Variants in C2CD3 observed in about 807,000 individuals in gnomAD.
C2CD3 encodes C2 domain containing 3 centriole elongation regulator.
Under a neutral mutation model 234.0 loss-of-function variants are expected in C2CD3, and 148 were observed. That is an observed-to-expected ratio of 0.63 (90% CI 0.55 to 0.72). The LOEUF (loss-of-function observed/expected upper bound fraction) is 0.72, where lower values mean the gene tolerates loss of function less well. Ranked by LOEUF, C2CD3 falls within the 30% of genes least tolerant of loss-of-function variation. C2CD3 has a pLI of 0.00. For synonymous variants in C2CD3, 1,000 were observed against 1,035.4 expected (o/e 0.97, Z 0.66); for missense variants, 2,577 against 2,811.5 (o/e 0.92, Z 1.89).
chr11:74,020,206 G>A (rs888859425), intron 32 of C2CD3, among the ~76,000 whole-genome samples: 2 of 152,238 alleles, frequency 1.3e-5, no homozygotes, highest in Non-Finnish European at 2.9e-5. Flanking sequence ...CATGTGGACA[G>A]GGCAGGGAGG....
intron 2 of C2CD3, among the ~76,000 whole-genome samples, chr11:74,165,454 C>CTAATATGTTGT (rs1294126208): frequency 2.0e-5 from 3 of 152,062 alleles, no homozygotes; most frequent in Admixed American, 6.5e-5. Flanking sequence ...ATGGTTCATG[C>CTAATATGTTGT]TAATATGTGA....
chr11:74,076,071 C>T (rs1955025836), intron 23 of C2CD3, among the ~76,000 whole-genome samples: 1 of 152,176 alleles, frequency 6.6e-6, no homozygotes, highest in South Asian at 2.1e-4. Flanking sequence ...CTTTCTTCAG[C>T]AGAATGAAGC....
intron 13 of C2CD3, among the ~76,000 whole-genome samples, chr11:74,105,717 A>C (rs1956491682): frequency 6.6e-6 from 1 of 152,184 alleles, no homozygotes; most frequent in Admixed American, 6.5e-5. Flanking sequence ...AGGCACACTT[A>C]GTTACTGCTC....
At chr11:74,027,717 C>CA (rs1952361442) in intron 32 of C2CD3, among the ~76,000 whole-genome samples, 1 of 152,186 alleles carries the variant, frequency 6.6e-6, no homozygotes, top group Non-Finnish European at 1.5e-5. Flanking sequence ...GGTAGGTACT[C>CA]AAAAGCAGTT....
Position 74,119,199 on chromosome 11 carries a change from C to T in C2CD3, c.1366-817G>A, listed in dbSNP as rs181448432. On this transcript the variant is annotated intron_variant, in intron 8 of 32. Transcript: ENST00000334126. ...TGCTGGAATTACAGGCATGAGCCAC[C>T]GTACCCAGCCAAGACTACTTTTTGT... 7.7e-4 allele frequency among the ~76,000 whole-genome samples: 117 copies of T among 152,168 alleles called. 1 individual carries two copies. In the East Asian group the frequency reaches 0.019, roughly 25 times the overall value.
intron 3 of C2CD3, among the ~76,000 whole-genome samples, chr11:74,159,276 ACTTTTT>A (rs1182015267): frequency 6.6e-6 from 1 of 152,236 alleles, no homozygotes; most frequent in Non-Finnish European, 1.5e-5. Context: ...ACTATATTAT[ACTTTTT>A]CTTTTTGTTT....
At chr11:74,169,922 T>C (rs1857051477) in intron 1 of C2CD3, among the ~76,000 whole-genome samples, 1 of 152,186 alleles carries the variant, frequency 6.6e-6, no homozygotes, top group African/African-American at 2.4e-5. Context: ...AATACTTCTT[T>C]TCTCGCTAAA....
In C2CD3 at chr11:74,031,919, G is replaced by A. The variant is rs189926148; in HGVS notation, c.6809+1432C>T. On this transcript the variant is annotated intron_variant, in intron 31 of 32. Transcript: ENST00000334126. ...AAAGCTCAGCCTCCAGCCATTGCAT[G>A]CTTTAATCCTTTCCTGAGCCCACTC... Among the ~76,000 whole-genome samples the A allele has an allele frequency of 2.4e-4, 36 of 152,326 alleles. No homozygotes were observed. In the East Asian group the frequency reaches 3.1e-3, roughly 13 times the overall value.
In C2CD3 at chr11:74,013,479, C is replaced by T. The variant is rs958229850; in HGVS notation, c.6968G>A (p.Arg2323His). 2.5e-5 allele frequency: 35 copies of T among 1,412,892 alleles called. No homozygotes were observed. Among genetic ancestry groups the T allele is most frequent in the African/African-American group, 1.9e-4 (13 of 67,582 alleles). The allele number at this position is 1,412,892 out of a possible 1,614,324, so 87.5% of individuals were successfully genotyped here. A position where few individuals can be genotyped will look rare whatever the true frequency, so the allele number is the denominator to read the frequency against. Reference protein sequence around the residue: ...TRGALSQRPCRPRPNSLPLNL... With the variant: ...TRGALSQRPCHPRPNSLPLNL... ...GAGGGGGAGCGAGTTAGGTCTGGGG[C>T]GACAAGGCCTTTGGGAGAGAGCTCC... The change falls in exon 33 of 33, where the codon CGC becomes CAC. Residue 2323 changes from arginine to histidine, a missense_variant. Transcript: ENST00000334126.
chr11:74,043,306 A>G (rs543631841), intron 28 of C2CD3, among the ~76,000 whole-genome samples: 1 of 152,254 alleles, frequency 6.6e-6, no homozygotes, highest in Admixed American at 6.5e-5. Context: ...TCTGTAGTAC[A>G]GCATGTATCA....
chr11:74,028,298 T>C lies in C2CD3; in HGVS notation c.6910A>G (p.Thr2304Ala). 1 of 1,535,636 alleles carries C rather than the reference T, an allele frequency of 6.5e-7. No homozygotes were observed. Among genetic ancestry groups the C allele is most frequent in the Non-Finnish European group, 8.7e-7 (1 of 1,146,416 alleles). The change falls in exon 32 of 33, where the codon ACA becomes GCA. Residue 2304 changes from threonine to alanine, a missense_variant. Coordinates refer to ENST00000334126, the MANE Select transcript of C2CD3 (RefSeq NM_001286577.2). ...GGCCATTCTCTTACCTGATCTGTTG[T>C]GGCTGCTGGTGGCAAAGTTGCTGAG... is the stretch of plus-strand genomic sequence containing the variant. Reference protein sequence around the residue: ...SLSATLPPAATTDQDKSEATR... With the variant: ...SLSATLPPAAATDQDKSEATR...
chr11:74,029,528 AC>A (rs1176075789), intron 31 of C2CD3, among the ~76,000 whole-genome samples: 1 of 152,216 alleles, frequency 6.6e-6, no homozygotes, highest in Non-Finnish European at 1.5e-5. Flanking sequence ...GAAGGGAAAG[AC>A]CCTTTGACTC....
intron 7 of C2CD3, chr11:74,128,897 G>C (rs1957517090): frequency 3.6e-6 from 1 of 279,634 alleles, no homozygotes; most frequent in African/African-American, 2.3e-5. Flanking sequence ...CAAGGCAGAA[G>C]AATTTTTCGT....
At chr11:74,144,912 A>T (rs1855071136) in intron 3 of C2CD3, among the ~76,000 whole-genome samples, 1 of 152,216 alleles carries the variant, frequency 6.6e-6, no homozygotes, top group African/African-American at 2.4e-5. Context: ...AATGAACATA[A>T]CATGTGCATA....
chr11:74,047,990 T>G (rs1953469176), intron 28 of C2CD3, among the ~76,000 whole-genome samples: 1 of 152,210 alleles, frequency 6.6e-6, no homozygotes, highest in South Asian at 2.1e-4. Context: ...TGTACTGAAG[T>G]GACCCTTCTG....
intron 3 of C2CD3, among the ~76,000 whole-genome samples, chr11:74,153,741 CAAT>C (rs1855832657): frequency 6.6e-6 from 1 of 151,988 alleles, no homozygotes; most frequent in African/African-American, 2.4e-5. Flanking sequence ...CAAAAATTTT[CAAT>C]AAGAACAAAA....
intron 3 of C2CD3, among the ~76,000 whole-genome samples, chr11:74,146,260 T>A (rs1289740675): frequency 6.6e-6 from 1 of 152,170 alleles, no homozygotes; most frequent in Non-Finnish European, 1.5e-5. Flanking sequence ...AGAATTTGGG[T>A]GTAATAGCAT....
chr11:74,141,864 G>A (rs1218961593), intron 3 of C2CD3, among the ~76,000 whole-genome samples: 1 of 151,972 alleles, frequency 6.6e-6, no homozygotes, highest in African/African-American at 2.4e-5. Context: ...AGCTGGGCAT[G>A]GTGGCATGTA....
chr11:74,150,504 AAAAAAAAAAAACAAAAAAAAAAC>A lies in C2CD3; in HGVS notation c.484-10699_484-10677del, dbSNP rs1164379832. 2.8e-4 allele frequency among the ~76,000 whole-genome samples: 33 copies of A among 116,354 alleles called. 1 individual carries two copies. The highest frequency in any genetic ancestry group is 7.6e-4 in the African/African-American group (22 of 29,086). The allele number at this position is 116,354 out of a possible 152,430, so 76.3% of individuals were successfully genotyped here. On this transcript the variant is annotated intron_variant, in intron 3 of 32. Transcript: ENST00000334126. ...CAAGACCCTGTCTCAAAAAAAAAAA[AAAAAAAAAAAACAAAAAAAAAAC>A]AAAACAAATTTCTAAGCTTTTTAAA...
Sources: allele counts gnomAD v4.1 joint callset (sites outside exome capture counted in the v4.1 genomes callset), GRCh38; gene constraint gnomAD v4.1.1; transcripts MANE v1.5; gene names NCBI Gene and HGNC (gene_info 2026-07-23, HGNC 2026-07-21).